The following NOMO3 variants were observed in gnomAD, a reference collection of about 807,000 sequenced individuals.
NOMO3 encodes the protein NODAL modulator 3.
A neutral mutation model predicts 69.9 loss-of-function variants in NOMO3; 15 were observed. The ratio of observed to expected loss-of-function variants is 0.21; its 90% CI spans 0.14 to 0.33. The LOEUF (loss-of-function observed/expected upper bound fraction) is 0.33, where lower values mean the gene tolerates loss of function less well. Ranked by LOEUF, NOMO3 falls within the 10% of genes least tolerant of loss-of-function variation. The pLI, the probability that NOMO3 is intolerant of heterozygous loss-of-function variation, is 1.00. For missense variants in NOMO3, 218 were observed against 761.0 expected (o/e 0.29, Z 8.39); for synonymous variants, 89 against 301.9 (o/e 0.29, Z 7.31).
In NOMO3 at chr16:16,266,404, T is replaced by C. The variant is rs1448873660; in HGVS notation, c.1807-640T>C. Among the ~76,000 whole-genome samples the C allele has an allele frequency of 3.3e-4, 40 of 119,932 alleles. 3 individuals carry two copies. Among genetic ancestry groups the C allele is most frequent in the African/African-American group, 1.4e-3 (37 of 26,526 alleles). 78.7% of individuals were successfully genotyped at this position (119,932 alleles called of 152,430 possible). A position where few individuals can be genotyped will look rare whatever the true frequency, so the allele number is the denominator to read the frequency against. The stretch of plus-strand genomic sequence containing the variant: ...ATAAGATCCTTTTTTTTTTTTTTTT[T>C]TGACACTTCCTTAACCCCTTCTTTA... On this transcript the variant is annotated intron_variant, in intron 15 of 30. Coordinates refer to ENST00000399336, the MANE Select transcript of NOMO3 (RefSeq NM_001004067.4).
intron 11 of NOMO3, among the ~76,000 whole-genome samples, chr16:16,258,913 T>A (rs1466134183): frequency 7.1e-6 from 1 of 141,250 alleles, no homozygotes; most frequent in Admixed American, 6.8e-5. Context: ...ATAGGGATCA[T>A]GGTACTTTAA....
In NOMO3 at chr16:16,235,261, A is replaced by C. The variant is rs2049317558; in HGVS notation, c.166-1640A>C. Among the ~76,000 whole-genome samples the C allele has an allele frequency of 2.0e-5, 3 of 151,140 alleles. 1 individual carries two copies. Among genetic ancestry groups the C allele is most frequent in the South Asian group, 2.1e-4 (1 of 4,822 alleles). Reference sequence around the variant, plus strand: ...TTAGCTGGTGAGATTCGACTGTTTCATAGCGGCTCGTGTCATGGTTTGTTT... The same window carrying C: ...TTAGCTGGTGAGATTCGACTGTTTCCTAGCGGCTCGTGTCATGGTTTGTTT... On this transcript the variant is annotated intron_variant, in intron 1 of 30. Transcript: ENST00000399336.
chr16:16,235,127 T>TGTG (rs1399803923), intron 1 of NOMO3, among the ~76,000 whole-genome samples: 2 of 149,508 alleles, frequency 1.3e-5, no homozygotes, highest in African/African-American at 5.1e-5. Flanking sequence ...GGAATGAAGT[T>TGTG]GTCACTGACC....
At chr16:16,254,035 A>G (rs2049488468) in intron 9 of NOMO3, among the ~76,000 whole-genome samples, 1 of 140,592 alleles carries the variant, frequency 7.1e-6, no homozygotes, top group Admixed American at 7.0e-5. Flanking sequence ...CTTTTAGGTC[A>G]TATGCACAGT....
chr16:16,250,248 G>T (rs2049451473), intron 6 of NOMO3, among the ~76,000 whole-genome samples: 1 of 144,518 alleles, frequency 6.9e-6, no homozygotes, highest in African/African-American at 2.8e-5. Context: ...AAACCTTTAG[G>T]CCAAACTTAA....
rs1281144347 is a variant in NOMO3 at position 16,257,462 on chromosome 16, TGAG to T, written c.1220+1306_1220+1308del. ...ACAGAAAGAGAAGCCAGTTAGGTGA[TGAG>T]GTTTCAGATTTGGCCACATTGGTCT... On this transcript the variant is annotated intron_variant, in intron 11 of 30. Transcript: ENST00000399336. 2.4e-5 allele frequency among the ~76,000 whole-genome samples: 3 copies of T among 124,022 alleles called. 1 individual carries two copies. Among genetic ancestry groups the T allele is most frequent in the African/African-American group, 1.1e-4 (3 of 27,652 alleles). The allele number at this position is 124,022 out of a possible 152,430, so 81.4% of individuals were successfully genotyped here. A position where few individuals can be genotyped will look rare whatever the true frequency, so the allele number is the denominator to read the frequency against.
intron 6 of NOMO3, among the ~76,000 whole-genome samples, chr16:16,248,422 A>C (rs1471726103): frequency 4.7e-5 from 3 of 64,390 alleles, no homozygotes; most frequent in East Asian, 9.7e-4. Context: ...TTTTTGCAAC[A>C]GGGTCTTGCT....
At chr16:16,237,409 A>G (rs1331582574) in intron 2 of NOMO3, among the ~76,000 whole-genome samples, 1 of 144,778 alleles carries the variant, frequency 6.9e-6, no homozygotes, top group Non-Finnish European at 1.5e-5. Context: ...TACAAGTAAT[A>G]CATGAATTCA....
intron 6 of NOMO3, among the ~76,000 whole-genome samples, chr16:16,249,213 A>G: frequency 6.9e-6 from 1 of 145,358 alleles, no homozygotes; most frequent in Non-Finnish European, 1.5e-5. Context: ...ATAGTTTCAC[A>G]CCTAGATGTC....
At chr16:16,233,480 A>T (rs905548440) in intron 1 of NOMO3, among the ~76,000 whole-genome samples, 1 of 103,920 alleles carries the variant, frequency 9.6e-6, no homozygotes, top group Non-Finnish European at 2.0e-5. Context: ...TAATGGAATT[A>T]CCCTAGAGAT....
chr16:16,258,283 A>G (rs62032170), intron 11 of NOMO3, among the ~76,000 whole-genome samples: 133,212 of 133,214 alleles, frequency 1, 66,605 homozygotes, highest in Non-Finnish European at 1. Context: ...ATTATGGCAA[A>G]TGTTGTGCAG....
At chr16:16,271,967 A>T (rs949062805) in intron 18 of NOMO3, among the ~76,000 whole-genome samples, 5 of 103,028 alleles carry the variant, frequency 4.9e-5, no homozygotes, top group Non-Finnish European at 7.4e-5. Context: ...GAGACATGGC[A>T]CTAAAGTGAC....
chr16:16,249,840 A>G (rs1265803099), intron 6 of NOMO3, among the ~76,000 whole-genome samples: 4 of 143,714 alleles, frequency 2.8e-5, no homozygotes, highest in Admixed American at 6.8e-5. Flanking sequence ...TCAGTGCCCA[A>G]TTTGTGACAA....
At chr16:16,248,815 CT>C (rs1221247047) in intron 6 of NOMO3, among the ~76,000 whole-genome samples, 1 of 152,270 alleles carries the variant, frequency 6.6e-6, no homozygotes. Context: ...ATAGCAGACG[CT>C]GTTCAAAATG....
At chr16:16,237,210 G>A (rs1306135141) in intron 2 of NOMO3, among the ~76,000 whole-genome samples, 1 of 144,784 alleles carries the variant, frequency 6.9e-6, no homozygotes. Context: ...GCAATGTCTA[G>A]AGACGTTTTT....
In NOMO3 at chr16:16,263,507, C is replaced by T; in HGVS notation, c.1538-6C>T. On this transcript the variant is annotated splice_polypyrimidine_tract_variant and splice_region_variant and intron_variant, in intron 13 of 30. Transcript: ENST00000399336. ...CACATGGAGCCCTCCCTTCTTTTCC[C>T]TGCAGACACCTGTGGTGACTTGCTG... The T allele has an allele frequency of 8.2e-7, 1 of 1,218,872 alleles. No individual in the cohort carries two copies. The highest frequency in any genetic ancestry group is 1.1e-6 in the Non-Finnish European group (1 of 917,894). 75.5% of individuals were successfully genotyped at this position (1,218,872 alleles called of 1,614,324 possible). A position where few individuals can be genotyped will look rare whatever the true frequency, so the allele number is the denominator to read the frequency against.
Position 16,238,261 on chromosome 16 carries a change from C to G in NOMO3, c.255+1271C>G, listed in dbSNP as rs576388441. Among the ~76,000 whole-genome samples the G allele has an allele frequency of 5.4e-3, 724 of 134,824 alleles. 6 individuals carry two copies. The highest frequency in any genetic ancestry group is 0.011 in the Middle Eastern group (3 of 266). 88.4% of individuals were successfully genotyped at this position (134,824 alleles called of 152,430 possible). A position where few individuals can be genotyped will look rare whatever the true frequency, so the allele number is the denominator to read the frequency against. ...TTTTTTTTTTTTTTTGAGACAGAGT[C>G]TCACTCTGTCAGCCAGGCTGGAGTG... On this transcript the variant is annotated intron_variant, in intron 2 of 30. Transcript: ENST00000399336.
chr16:16,232,637 G>T lies in NOMO3; in HGVS notation c.-30G>T, dbSNP rs948554629. On this transcript the variant is annotated 5_prime_UTR_variant, in exon 1 of 31. Transcript: ENST00000399336. Reference sequence around the variant, plus strand: ...TGTGAGGGGCGGGACCCGGCTGCCGGCGGTGGGTCTAGCTGGGGGAGGTCG... The same window carrying T: ...TGTGAGGGGCGGGACCCGGCTGCCGTCGGTGGGTCTAGCTGGGGGAGGTCG... 6.6e-5 allele frequency: 33 copies of T among 498,528 alleles called. No individual in the cohort carries two copies. In the South Asian group the frequency reaches 6.8e-4, roughly 10 times the overall value. The allele number at this position is 498,528 out of a possible 1,614,324, so 30.9% of individuals were successfully genotyped here. A position where few individuals can be genotyped will look rare whatever the true frequency, so the allele number is the denominator to read the frequency against.
intron 18 of NOMO3, among the ~76,000 whole-genome samples, chr16:16,272,064 GA>G: frequency 7.3e-6 from 1 of 137,376 alleles, no homozygotes; most frequent in Non-Finnish European, 1.5e-5. Flanking sequence ...TGGATTTGCC[GA>G]AGGTCTGTTG....
Sources: gnomAD v4.1 joint callset for allele counts (sites outside exome capture counted in the v4.1 genomes callset) on GRCh38, gnomAD v4.1.1 for gene constraint, MANE v1.5 for transcripts, NCBI Gene and HGNC (gene_info 2026-07-23, HGNC 2026-07-21) for gene names.